AUTS2: variants seen among roughly 807,000 people sequenced by gnomAD.
AUTS2 encodes autism susceptibility gene 2 protein.
In AUTS2, 17 loss-of-function variants were observed where a neutral mutation model predicts 112.4. The observed-to-expected ratio is 0.15, with a 90% CI of 0.10 to 0.23. AUTS2 has a LOEUF of 0.23. Among genes scored for constraint, AUTS2 ranks in the 10% least tolerant of loss-of-function variants. The pLI, the probability that AUTS2 is intolerant of heterozygous loss-of-function variation, is 1.00. For missense variants in AUTS2, 1,510 were observed against 1,701.6 expected (o/e 0.89, Z 1.98); for synonymous variants, 751 against 702.7 (o/e 1.07, Z -1.09).
intron 4 of AUTS2, among the ~76,000 whole-genome samples, chr7:70,411,112 G>A (rs533973587): frequency 7.2e-5 from 11 of 152,158 alleles, no homozygotes; most frequent in South Asian, 6.2e-4. Flanking sequence ...TGATCCGCCC[G>A]CCTTGGCCTC....
intron 1 of AUTS2, among the ~76,000 whole-genome samples, chr7:69,797,301 C>A (rs1415504479): frequency 2.0e-5 from 3 of 152,104 alleles, no homozygotes; most frequent in Non-Finnish European, 4.4e-5. Flanking sequence ...GTTTTCAGCT[C>A]CCCAAGCCAT....
At chr7:70,739,024 TTTTTTTTTTTTTTG>T (rs1185839726) in intron 6 of AUTS2, among the ~76,000 whole-genome samples, 3 of 128,498 alleles carry the variant, frequency 2.3e-5, no homozygotes, top group South Asian at 2.8e-4. Flanking sequence ...TTTTTTTTTT[TTTTTTTTTTTTTTG>T]AGAGAGAGAC....
chr7:70,032,758 C>G (rs532492515), intron 2 of AUTS2, among the ~76,000 whole-genome samples: 1 of 152,070 alleles, frequency 6.6e-6, no homozygotes, highest in Non-Finnish European at 1.5e-5. Context: ...TTTCATAGCT[C>G]CCTGTAAGGT....
intron 1 of AUTS2, among the ~76,000 whole-genome samples, chr7:69,726,948 T>G (rs974305701): frequency 4.7e-4 from 71 of 152,186 alleles, no homozygotes; most frequent in Admixed American, 2.0e-4. Flanking sequence ...TGTGAGTACT[T>G]CTTTCAGTCT....
At chr7:70,012,797 A>G (rs957124846) in intron 2 of AUTS2, among the ~76,000 whole-genome samples, 8 of 152,188 alleles carry the variant, frequency 5.3e-5, no homozygotes, top group Non-Finnish European at 1.0e-4. Flanking sequence ...GTATGTGATG[A>G]TGGCTTTTCA....
chr7:69,848,620 T>C (rs1027022723), intron 1 of AUTS2, among the ~76,000 whole-genome samples: 5 of 152,210 alleles, frequency 3.3e-5, no homozygotes, highest in Non-Finnish European at 5.9e-5. Context: ...AGGTAAACCC[T>C]GTCATTATTG....
chr7:69,813,289 G>T (rs1054099384), intron 1 of AUTS2, among the ~76,000 whole-genome samples: 4 of 152,180 alleles, frequency 2.6e-5, no homozygotes, highest in African/African-American at 9.7e-5. Context: ...GTGTCACCTT[G>T]TTGGGGAGGT....
At chr7:70,187,775 CTT>C (rs71077627) in intron 4 of AUTS2, among the ~76,000 whole-genome samples, 27 of 110,312 alleles carry the variant, frequency 2.4e-4, no homozygotes, top group South Asian at 9.5e-4. Context: ...AACTAGTCTT[CTT>C]TTTTTTTTTT....
chr7:70,237,086 G>A (rs1373659407), intron 4 of AUTS2, among the ~76,000 whole-genome samples: 1 of 152,234 alleles, frequency 6.6e-6, no homozygotes, highest in African/African-American at 2.4e-5. Flanking sequence ...TGAGCCCTCA[G>A]AGAGGAGTCT....
intron 2 of AUTS2, among the ~76,000 whole-genome samples, chr7:70,008,348 T>C (rs1438273293): frequency 6.6e-6 from 1 of 152,186 alleles, no homozygotes; most frequent in African/African-American, 2.4e-5. Context: ...ACTTTGAATT[T>C]ATTTTATTGA....
At chr7:70,602,821 C>G (rs1170819955) in intron 5 of AUTS2, among the ~76,000 whole-genome samples, 2 of 152,186 alleles carry the variant, frequency 1.3e-5, no homozygotes, top group Non-Finnish European at 2.9e-5. Flanking sequence ...TAATGATTTT[C>G]TTTCGTCTGT....
intron 1 of AUTS2, among the ~76,000 whole-genome samples, chr7:69,654,555 C>T (rs565681749): frequency 6.6e-6 from 1 of 152,144 alleles, no homozygotes; most frequent in Non-Finnish European, 1.5e-5. Flanking sequence ...GAAGTTGATG[C>T]TCAGGGAGGT....
chr7:69,652,961 G>C (rs561536524), intron 1 of AUTS2, among the ~76,000 whole-genome samples: 1 of 152,264 alleles, frequency 6.6e-6, no homozygotes, highest in South Asian at 2.1e-4. Flanking sequence ...AATGAGGTTC[G>C]TAGTGCTTTA....
At chr7:70,701,022 A>G (rs1809428388) in intron 6 of AUTS2, among the ~76,000 whole-genome samples, 1 of 152,234 alleles carries the variant, frequency 6.6e-6, no homozygotes, top group African/African-American at 2.4e-5. Flanking sequence ...TTATGGGACA[A>G]TCTAACCAGA....
At chr7:70,671,841 G>A (rs1299277614) in intron 5 of AUTS2, among the ~76,000 whole-genome samples, 1 of 152,188 alleles carries the variant, frequency 6.6e-6, no homozygotes, top group Non-Finnish European at 1.5e-5. Context: ...CTTGGGCCTG[G>A]CCTGTTTGCA....
intron 4 of AUTS2, among the ~76,000 whole-genome samples, chr7:70,203,892 G>T (rs931792169): frequency 6.6e-6 from 1 of 151,516 alleles, no homozygotes; most frequent in Admixed American, 6.6e-5. Context: ...GAAGAAGGGA[G>T]TGTGCACGTG....
At chr7:69,912,396 G>T (rs970981351) in intron 2 of AUTS2, among the ~76,000 whole-genome samples, 2 of 152,148 alleles carry the variant, frequency 1.3e-5, no homozygotes, top group African/African-American at 4.8e-5. Context: ...TGGAGGGTGG[G>T]GCTCCTGCCT....
Position 70,086,510 on chromosome 7 carries a change from G to A in AUTS2, c.523-31622G>A, listed in dbSNP as rs540891274. Among the ~76,000 whole-genome samples the A allele has an allele frequency of 1.2e-4, 18 of 151,796 alleles. No homozygotes were observed. The East Asian group carries it at 2.9e-3, about 25-fold the overall frequency. ...ACAAAAATTAGCTGGCTATAATGGC[G>A]GGTGCCTGTAATCCCAGCTACTTGG... On this transcript the variant is annotated intron_variant, in intron 2 of 18. Transcript: ENST00000342771.
intron 2 of AUTS2, among the ~76,000 whole-genome samples, chr7:70,011,187 C>G (rs190748610): frequency 8.0e-4 from 122 of 152,270 alleles, no homozygotes; most frequent in Admixed American, 2.2e-3. Context: ...AAAGGTCACT[C>G]AGTCTTTTTT....
Sources: allele counts gnomAD v4.1 joint callset (sites outside exome capture counted in the v4.1 genomes callset), GRCh38; gene constraint gnomAD v4.1.1; transcripts MANE v1.5; gene names NCBI Gene and HGNC (gene_info 2026-07-23, HGNC 2026-07-21).